Variants in CTIF observed in about 807,000 individuals in gnomAD.
CTIF encodes the protein cap binding complex dependent translation initiation factor.
In CTIF, 21 loss-of-function variants were observed where a neutral mutation model predicts 66.0. The observed-to-expected ratio is 0.32, with a 90% CI of 0.23 to 0.46. The LOEUF (loss-of-function observed/expected upper bound fraction) is 0.46. Among genes scored for constraint, CTIF ranks in the 20% least tolerant of loss-of-function variants. The pLI is 1.00. For synonymous variants in CTIF, 345 were observed against 326.4 expected (o/e 1.06, Z -0.62); for missense variants, 739 against 812.7 (o/e 0.91, Z 1.10).
intron 1 of CTIF, among the ~76,000 whole-genome samples, chr18:48,601,836 A>C (rs1359951498): frequency 6.6e-6 from 1 of 152,246 alleles, no homozygotes; most frequent in South Asian, 2.1e-4. Context: ...GGGATGAGAA[A>C]TAAAAGACAT....
At chr18:48,786,254 C>T (rs940162204) in intron 9 of CTIF, among the ~76,000 whole-genome samples, 4 of 152,142 alleles carry the variant, frequency 2.6e-5, no homozygotes, top group Non-Finnish European at 5.9e-5. Context: ...CAGCCTCCCT[C>T]CCAAGTCACG....
intron 1 of CTIF, among the ~76,000 whole-genome samples, chr18:48,550,198 C>A (rs537281649): frequency 6.6e-6 from 1 of 152,228 alleles, no homozygotes; most frequent in Non-Finnish European, 1.5e-5. Context: ...TTTCCCGACA[C>A]TGGGGCCAGG....
At chr18:48,636,142 G>T (rs960009318) in intron 2 of CTIF, among the ~76,000 whole-genome samples, 5 of 152,184 alleles carry the variant, frequency 3.3e-5, no homozygotes, top group African/African-American at 1.2e-4. Flanking sequence ...TAATAGCCAG[G>T]TTGGGCTCTT....
At chr18:48,567,933 T>C (rs560529326) in intron 1 of CTIF, 1 of 152,352 alleles carries the variant, frequency 6.6e-6, no homozygotes, top group East Asian at 1.9e-4. Flanking sequence ...TAGCAAGTGA[T>C]GCTGGAGAGA....
intron 11 of CTIF, among the ~76,000 whole-genome samples, chr18:48,859,132 C>T (rs1480136835): frequency 6.6e-6 from 1 of 152,196 alleles, no homozygotes; most frequent in Non-Finnish European, 1.5e-5. Flanking sequence ...CCTCTGGATC[C>T]TGCTGGCAGA....
At chr18:48,553,979 T>C (rs563674055) in intron 1 of CTIF, among the ~76,000 whole-genome samples, 1 of 152,258 alleles carries the variant, frequency 6.6e-6, no homozygotes, top group African/African-American at 2.4e-5. Context: ...GGCCCACTCA[T>C]GACCTCAGAG....
chr18:48,727,500 G>C (rs1221765525), intron 7 of CTIF, among the ~76,000 whole-genome samples: 1 of 152,128 alleles, frequency 6.6e-6, no homozygotes, highest in Admixed American at 6.5e-5. Flanking sequence ...TTTGTACTGT[G>C]TCTCTCCCTT....
rs559724120 is a variant in CTIF at position 48,805,005 on chromosome 18, A to G, written c.1372-12216A>G. Among the ~76,000 whole-genome samples the G allele has an allele frequency of 8.5e-5, 13 of 152,324 alleles. No individual in the cohort carries two copies. In the East Asian group the frequency reaches 2.3e-3, roughly 27 times the overall value. ...GTCCCAAGTCACAGGAACCAACTTGAGGTGGCTTAACATTGCTAAATCCTT... is the reference window on the plus strand; with the variant it reads ...GTCCCAAGTCACAGGAACCAACTTGGGGTGGCTTAACATTGCTAAATCCTT... On this transcript the variant is annotated intron_variant, in intron 9 of 11. Coordinates refer to ENST00000256413, the MANE Select transcript of CTIF (RefSeq NM_014772.3).
At chr18:48,598,832 C>G (rs2090035375) in intron 1 of CTIF, among the ~76,000 whole-genome samples, 1 of 152,204 alleles carries the variant, frequency 6.6e-6, no homozygotes, top group Non-Finnish European at 1.5e-5. Context: ...TTGCAAGAGA[C>G]CCAGAACGGA....
At chr18:48,711,026 A>T (rs769095586) in intron 6 of CTIF, among the ~76,000 whole-genome samples, 2 of 152,188 alleles carry the variant, frequency 1.3e-5, no homozygotes, top group African/African-American at 4.8e-5. Context: ...AGCTAATTCC[A>T]TGTTTTCCTA....
chr18:48,670,786 C>T (rs2091520947), intron 6 of CTIF, 42 bp downstream of exon 6: 1 of 1,532,778 alleles, frequency 6.5e-7, no homozygotes, highest in Non-Finnish European at 9.0e-7. Context: ...ACCCCCACCC[C>T]TGGAGTCCTG....
chr18:48,594,822 T>C (rs182417532), intron 1 of CTIF, among the ~76,000 whole-genome samples: 4 of 152,312 alleles, frequency 2.6e-5, no homozygotes, highest in African/African-American at 7.2e-5. Context: ...TTGGGCCTCC[T>C]CCTCACCTGG....
chr18:48,754,626 A>T (rs191833237), intron 7 of CTIF, among the ~76,000 whole-genome samples: 14 of 152,298 alleles, frequency 9.2e-5, no homozygotes, highest in Admixed American at 9.2e-4. Flanking sequence ...TGAACCTGTT[A>T]GTCTTTCCTA....
At chr18:48,608,996 G>A (rs2090257933) in intron 1 of CTIF, among the ~76,000 whole-genome samples, 1 of 152,194 alleles carries the variant, frequency 6.6e-6, no homozygotes, top group Admixed American at 6.5e-5. Context: ...GGCACTATTG[G>A]TTTCCCTTCC....
At chr18:48,695,090 C>T (rs2091986496) in intron 6 of CTIF, among the ~76,000 whole-genome samples, 1 of 152,192 alleles carries the variant, frequency 6.6e-6, no homozygotes, top group South Asian at 2.1e-4. Flanking sequence ...CATGAAGCAG[C>T]ACAGCTATTT....
intron 10 of CTIF, among the ~76,000 whole-genome samples, chr18:48,854,606 G>A (rs988941918): frequency 1.3e-5 from 2 of 152,100 alleles, no homozygotes; most frequent in Non-Finnish European, 2.9e-5. Context: ...CCCTCCTACA[G>A]CAGGCAGAAT....
intron 1 of CTIF, among the ~76,000 whole-genome samples, chr18:48,576,692 G>A (rs1403609084): frequency 1.3e-5 from 2 of 152,196 alleles, no homozygotes; most frequent in Non-Finnish European, 2.9e-5. Context: ...CCTGAGTACA[G>A]GATTTGAGTA....
chr18:48,721,682 G>A (rs1178390574), intron 7 of CTIF, among the ~76,000 whole-genome samples: 1 of 152,210 alleles, frequency 6.6e-6, no homozygotes, highest in Non-Finnish European at 1.5e-5. Context: ...TAGATGCCAT[G>A]TGATGGCAGA....
intron 6 of CTIF, among the ~76,000 whole-genome samples, chr18:48,671,712 G>A (rs373688145): frequency 2.6e-5 from 4 of 151,556 alleles, no homozygotes; most frequent in Admixed American, 1.3e-4. Flanking sequence ...TTTCAGCCAC[G>A]ATTCCTCCTA....
Sources: allele counts gnomAD v4.1 joint callset (sites outside exome capture counted in the v4.1 genomes callset), GRCh38; gene constraint gnomAD v4.1.1; transcripts MANE v1.5; gene names NCBI Gene and HGNC (gene_info 2026-07-23, HGNC 2026-07-21).